The following PLCB4 variants were observed in gnomAD, a reference collection of about 807,000 sequenced individuals.
PLCB4 encodes the protein phospholipase C beta 4.
A neutral mutation model predicts 178.8 loss-of-function variants in PLCB4; 77 were observed. The observed-to-expected ratio is 0.43, with a 90% CI of 0.36 to 0.52. The LOEUF (loss-of-function observed/expected upper bound fraction) is 0.52, where lower values mean the gene tolerates loss of function less well. Ranked by LOEUF, PLCB4 falls within the 20% of genes least tolerant of loss-of-function variation. PLCB4 has a pLI of 0.00. For missense variants in PLCB4, 1,024 were observed against 1,453.4 expected (o/e 0.70, Z 4.80); for synonymous variants, 496 against 490.8 (o/e 1.01, Z -0.14).
chr20:9,223,064 A>C (rs2093818859), intron 3 of PLCB4, among the ~76,000 whole-genome samples: 1 of 152,200 alleles, frequency 6.6e-6, no homozygotes, highest in Non-Finnish European at 1.5e-5. Flanking sequence ...CTTAGAAGAT[A>C]GTGGGCCTTG....
intron 12 of PLCB4, among the ~76,000 whole-genome samples, chr20:9,379,064 A>G (rs898863179): frequency 1.3e-5 from 2 of 152,170 alleles, no homozygotes; most frequent in African/African-American, 4.8e-5. Context: ...CTTATCTGTC[A>G]TTATTCCAAA....
rs189013707 is a variant in PLCB4 at position 9,112,254 on chromosome 20, C to T, written c.-79+15912C>T. 5.3e-3 allele frequency among the ~76,000 whole-genome samples: 787 copies of T among 148,232 alleles called. 11 individuals are homozygous for T. Among genetic ancestry groups the T allele is most frequent in the Admixed American group, 0.036 (533 of 14,946 alleles). ...GAGACCTGTTGAAACAAATACCCTACTCTTTTTTTTTTTTTTTTTGAGATA... is the reference window on the plus strand; with the variant it reads ...GAGACCTGTTGAAACAAATACCCTATTCTTTTTTTTTTTTTTTTTGAGATA... On this transcript the variant is annotated intron_variant, in intron 2 of 39. Coordinates refer to ENST00000378473, the MANE Select transcript of PLCB4 (RefSeq NM_001377142.1).
At chr20:9,442,953 C>G (rs537679200) in intron 30 of PLCB4, among the ~76,000 whole-genome samples, 1 of 152,122 alleles carries the variant, frequency 6.6e-6, no homozygotes, top group African/African-American at 2.4e-5. Flanking sequence ...TCATACCTAG[C>G]CTTTGGGATT....
chr20:9,218,500 C>T (rs1316616844), intron 3 of PLCB4, among the ~76,000 whole-genome samples: 4 of 152,182 alleles, frequency 2.6e-5, no homozygotes, highest in African/African-American at 7.2e-5. Flanking sequence ...ATAGTAATGG[C>T]GTGAACCAGC....
At chr20:9,154,905 C>CCT (rs2092757688) in intron 2 of PLCB4, among the ~76,000 whole-genome samples, 9 of 62,422 alleles carry the variant, frequency 1.4e-4, no homozygotes, top group East Asian at 5.7e-4. Flanking sequence ...CCCTCCTTCC[C>CCT]TCCTTCCTTC....
chr20:9,381,420 C>T (rs1322322928), intron 13 of PLCB4, among the ~76,000 whole-genome samples: 1 of 152,088 alleles, frequency 6.6e-6, no homozygotes, highest in East Asian at 1.9e-4. Context: ...TGACCGGGTG[C>T]CAAGCACTGT....
chr20:9,105,513 T>G (rs1208135275), intron 2 of PLCB4, among the ~76,000 whole-genome samples: 1 of 152,098 alleles, frequency 6.6e-6, no homozygotes, highest in Admixed American at 6.6e-5. Context: ...CTATTAATAC[T>G]CTCAGAATTA....
intron 2 of PLCB4, among the ~76,000 whole-genome samples, chr20:9,213,128 C>CTTTTTTTTTTTTTTTTTTTTTTT (rs56785951): frequency 2.8e-5 from 1 of 35,728 alleles, no homozygotes; most frequent in African/African-American, 1.2e-4. Flanking sequence ...CGTTAGCATA[C>CTTTTTTTTTTTTTTTTTTTTTTT]TTTTTTTTTT....
intron 2 of PLCB4, among the ~76,000 whole-genome samples, chr20:9,140,530 C>T (rs930916443): frequency 5.3e-5 from 8 of 151,420 alleles, no homozygotes; most frequent in East Asian, 2.0e-4. Flanking sequence ...AATATGATCC[C>T]GAATGTTGGA....
intron 8 of PLCB4, among the ~76,000 whole-genome samples, chr20:9,364,361 A>G (rs1016337196): frequency 2.6e-5 from 4 of 152,188 alleles, no homozygotes; most frequent in African/African-American, 4.8e-5. Flanking sequence ...GCTGGTGTTC[A>G]CCCAGCCATC....
chr20:9,417,139 C>A (rs2040304774), intron 25 of PLCB4, among the ~76,000 whole-genome samples: 1 of 152,058 alleles, frequency 6.6e-6, no homozygotes, highest in Non-Finnish European at 1.5e-5. Context: ...GAAAAAAGTA[C>A]TTTTATTTTC....
intron 4 of PLCB4, among the ~76,000 whole-genome samples, chr20:9,327,093 TAATC>T (rs1366233566): frequency 6.6e-6 from 1 of 152,138 alleles, no homozygotes; most frequent in Non-Finnish European, 1.5e-5. Context: ...TGGTTAATAA[TAATC>T]AGTACTAGCA....
intron 3 of PLCB4, among the ~76,000 whole-genome samples, chr20:9,268,396 A>G (rs904162679): frequency 6.6e-6 from 1 of 152,216 alleles, no homozygotes; most frequent in African/African-American, 2.4e-5. Flanking sequence ...TATTCCAAAC[A>G]TAGCAGAATA....
intron 4 of PLCB4, among the ~76,000 whole-genome samples, chr20:9,334,230 A>G (rs775696770): frequency 2.6e-5 from 4 of 152,166 alleles, no homozygotes; most frequent in African/African-American, 7.2e-5. Context: ...GGAATAATCA[A>G]ACTCTCAGAG....
At chr20:9,120,741 C>T (rs2091935163) in intron 2 of PLCB4, among the ~76,000 whole-genome samples, 1 of 90,672 alleles carries the variant, frequency 1.1e-5, no homozygotes, top group African/African-American at 3.2e-5. Context: ...CATGGGTTTC[C>T]ACGGCCAGGT....
intron 3 of PLCB4, among the ~76,000 whole-genome samples, chr20:9,266,729 A>C (rs1280958719): frequency 6.6e-6 from 1 of 152,088 alleles, no homozygotes; most frequent in Non-Finnish European, 1.5e-5. Context: ...ACTTTTCTAA[A>C]ATGGAGGCTG....
At chr20:9,473,913 A>G (rs1018243754) in intron 38 of PLCB4, among the ~76,000 whole-genome samples, 4 of 152,124 alleles carry the variant, frequency 2.6e-5, no homozygotes, top group African/African-American at 9.7e-5. Context: ...ATAAAGAAAT[A>G]TACACAAATA....
In PLCB4 at chr20:9,180,379, T is replaced by C. The variant is rs543578455; in HGVS notation, c.-78-37011T>C. On this transcript the variant is annotated intron_variant, in intron 2 of 39. Transcript: ENST00000378473. ...AAATCTCACAAGTAGAATCAGCCTCTTGATGGGGGATTTTTCCATTATAAA... is the reference window on the plus strand; with the variant it reads ...AAATCTCACAAGTAGAATCAGCCTCCTGATGGGGGATTTTTCCATTATAAA... Among the ~76,000 whole-genome samples, 14 of 152,300 alleles carry C rather than the reference T, an allele frequency of 9.2e-5. No individual in the cohort carries two copies. In the South Asian group the frequency reaches 2.7e-3, roughly 29 times the overall value.
At chr20:9,121,295 T>C (rs921538102) in intron 2 of PLCB4, among the ~76,000 whole-genome samples, 2 of 152,158 alleles carry the variant, frequency 1.3e-5, no homozygotes, top group Non-Finnish European at 2.9e-5. Flanking sequence ...ACTAGTTTTT[T>C]TGTTTAGTAA....
Sources: gnomAD v4.1 joint callset for allele counts (sites outside exome capture counted in the v4.1 genomes callset) on GRCh38, gnomAD v4.1.1 for gene constraint, MANE v1.5 for transcripts, NCBI Gene and HGNC (gene_info 2026-07-23, HGNC 2026-07-21) for gene names.